The following LRP1B variants were observed in gnomAD, a reference collection of about 807,000 sequenced individuals.
LRP1B encodes low-density lipoprotein receptor-related protein 1B.
LRP1B carries 217 observed loss-of-function variants against 556.6 expected under a neutral mutation model. The observed-to-expected ratio is 0.39, with a 90% CI of 0.35 to 0.44. The LOEUF (loss-of-function observed/expected upper bound fraction) is 0.44. LRP1B is among the 20% of genes least tolerant of loss of function. The pLI, the probability that LRP1B is intolerant of heterozygous loss-of-function variation, is 1.00. For synonymous variants in LRP1B, 2,047 were observed against 1,865.8 expected (o/e 1.10, Z -2.50); for missense variants, 5,053 against 5,620.8 (o/e 0.90, Z 3.23).
At chr2:141,895,839 C>T (rs1385235985) in intron 1 of LRP1B, among the ~76,000 whole-genome samples, 8 of 151,978 alleles carry the variant, frequency 5.3e-5, no homozygotes, top group South Asian at 2.1e-4. Context: ...TCTTTCTTTC[C>T]GACCTGCCCT....
At chr2:140,548,574 A>G (rs529194922) in intron 43 of LRP1B, among the ~76,000 whole-genome samples, 1 of 152,218 alleles carries the variant, frequency 6.6e-6, no homozygotes, top group Admixed American at 6.5e-5. Context: ...AAAACAGATA[A>G]TTTAAGGAAT....
intron 2 of LRP1B, among the ~76,000 whole-genome samples, chr2:141,583,283 A>G (rs1687017056): frequency 6.6e-6 from 1 of 152,220 alleles, no homozygotes; most frequent in Non-Finnish European, 1.5e-5. Flanking sequence ...GCAAATAAAA[A>G]TAAAGCCTAG....
intron 3 of LRP1B, among the ~76,000 whole-genome samples, chr2:141,263,275 A>G (rs966426339): frequency 6.6e-6 from 1 of 152,122 alleles, no homozygotes; most frequent in Non-Finnish European, 1.5e-5. Context: ...GAAACACATT[A>G]CAAATATCAA....
intron 11 of LRP1B, among the ~76,000 whole-genome samples, chr2:141,023,641 C>G (rs1225636497): frequency 9.2e-5 from 14 of 151,890 alleles, no homozygotes; most frequent in Admixed American, 9.2e-4. Context: ...ATATAATTGC[C>G]TCTTTTTAAA....
At chr2:141,811,612 G>C (rs987792687) in intron 1 of LRP1B, among the ~76,000 whole-genome samples, 1 of 152,014 alleles carries the variant, frequency 6.6e-6, no homozygotes, top group African/African-American at 2.4e-5. Flanking sequence ...TAGGGTATAA[G>C]AGTAGTCTTT....
intron 3 of LRP1B, among the ~76,000 whole-genome samples, chr2:141,308,297 G>T (rs897024436): frequency 6.6e-6 from 1 of 152,092 alleles, no homozygotes; most frequent in African/African-American, 2.4e-5. Context: ...GAGATAAATT[G>T]GGTCTTGATG....
intron 77 of LRP1B, among the ~76,000 whole-genome samples, chr2:140,341,850 GT>G (rs1004882608): frequency 7.3e-5 from 11 of 151,344 alleles, no homozygotes; most frequent in African/African-American, 2.7e-4. Context: ...TCAGGTTAAT[GT>G]TTTAAGAATA....
At chr2:140,243,372 A>G (rs1423713706) in intron 87 of LRP1B, among the ~76,000 whole-genome samples, 1 of 151,098 alleles carries the variant, frequency 6.6e-6, no homozygotes, top group Non-Finnish European at 1.5e-5. Context: ...TTGCTTCAAA[A>G]GAGGTAGAAG....
Position 140,880,796 on chromosome 2 carries a change from T to C in LRP1B, c.4169+3021A>G, listed in dbSNP as rs114731100. 6.6e-3 allele frequency among the ~76,000 whole-genome samples: 1,007 copies of C among 152,274 alleles called. 11 individuals carry two copies. Among genetic ancestry groups the C allele is most frequent in the African/African-American group, 0.023 (956 of 41,564 alleles). ...TCATAGTTTTCCCATTAGCTGTCTG[T>C]CCTTTACTGTATACTTCCCATTTTA... On this transcript the variant is annotated intron_variant, in intron 25 of 90. Transcript: ENST00000389484.
At chr2:141,132,531 C>G (rs1287050854) in intron 7 of LRP1B, among the ~76,000 whole-genome samples, 1 of 151,970 alleles carries the variant, frequency 6.6e-6, no homozygotes, top group Non-Finnish European at 1.5e-5. Context: ...TTATAAAATA[C>G]CCAGTCTCAG....
chr2:141,488,148 A>G (rs4547471), intron 2 of LRP1B, among the ~76,000 whole-genome samples: 129,091 of 152,072 alleles, frequency 0.85, 55,411 homozygotes, highest in East Asian at 0.93. Flanking sequence ...ATGGTTGCAT[A>G]TATCTCTTGA....
intron 60 of LRP1B, among the ~76,000 whole-genome samples, chr2:140,458,431 C>T (rs894069612): frequency 2.0e-5 from 3 of 152,014 alleles, no homozygotes; most frequent in African/African-American, 7.2e-5. Flanking sequence ...TATGGTAAAT[C>T]TGTTCAGTGG....
intron 2 of LRP1B, among the ~76,000 whole-genome samples, chr2:141,519,264 G>A (rs58906979): frequency 0.055 from 8,244 of 150,008 alleles, 268 homozygotes; most frequent in Non-Finnish European, 0.065. Flanking sequence ...TATCAATCAG[G>A]ATGTGCCCAG....
chr2:140,407,244 G>A (rs1397803322), intron 66 of LRP1B, among the ~76,000 whole-genome samples: 1 of 151,952 alleles, frequency 6.6e-6, no homozygotes, highest in South Asian at 2.1e-4. Flanking sequence ...AATTATAGAA[G>A]ACAACATTGA....
intron 1 of LRP1B, among the ~76,000 whole-genome samples, chr2:141,974,824 A>T (rs1425212234): frequency 2.0e-5 from 3 of 152,184 alleles, no homozygotes; most frequent in Non-Finnish European, 4.4e-5. Context: ...GCTATTAATG[A>T]TGGTAGCTCT....
intron 82 of LRP1B, among the ~76,000 whole-genome samples, 163 bp downstream of exon 82, chr2:140,321,800 G>A (rs762217648): frequency 4.6e-5 from 7 of 152,056 alleles, no homozygotes; most frequent in Non-Finnish European, 5.9e-5. Flanking sequence ...TTGTTTGAAA[G>A]TCTTCTCCAG....
chr2:141,205,009 C>T (rs1682210182), intron 6 of LRP1B, among the ~76,000 whole-genome samples: 1 of 152,010 alleles, frequency 6.6e-6, no homozygotes, highest in Non-Finnish European at 1.5e-5. Flanking sequence ...CATAATAGCT[C>T]AATGCCTATC....
chr2:141,998,591 G>A (rs556537121), intron 1 of LRP1B, among the ~76,000 whole-genome samples: 2 of 152,162 alleles, frequency 1.3e-5, no homozygotes, highest in East Asian at 1.9e-4. Context: ...GGTAATGGAC[G>A]TGTCTATGAC....
At chr2:141,559,866 T>C (rs1411371128) in intron 2 of LRP1B, among the ~76,000 whole-genome samples, 1 of 151,700 alleles carries the variant, frequency 6.6e-6, no homozygotes, top group Non-Finnish European at 1.5e-5. Flanking sequence ...TCTTACAGAA[T>C]TTAGGATATT....
Sources: allele counts gnomAD v4.1 joint callset (sites outside exome capture counted in the v4.1 genomes callset), GRCh38; gene constraint gnomAD v4.1.1; transcripts MANE v1.5; gene names NCBI Gene and HGNC (gene_info 2026-07-23, HGNC 2026-07-21).